PDLIM5: variants seen among roughly 807,000 people sequenced by gnomAD.
The protein encoded by PDLIM5 is PDZ and LIM domain protein 5.
In PDLIM5, 34 loss-of-function variants were observed where a neutral mutation model predicts 64.2. The observed-to-expected ratio is 0.53, with a 90% CI of 0.40 to 0.71. The LOEUF is 0.71. Ranked by LOEUF, PDLIM5 falls within the 30% of genes least tolerant of loss-of-function variation. The pLI, the probability that PDLIM5 is intolerant of heterozygous loss-of-function variation, is 0.00. For synonymous variants in PDLIM5, 253 were observed against 269.1 expected, an observed-to-expected ratio of 0.94 and a Z score of 0.59; for missense variants, 683 against 733.6, an observed-to-expected ratio of 0.93 and a Z score of 0.80.
intron 3 of PDLIM5, among the ~76,000 whole-genome samples, chr4:94,567,811 C>G (rs1171617457): frequency 6.6e-6 from 1 of 152,130 alleles, no homozygotes; most frequent in Admixed American, 6.5e-5. Flanking sequence ...AAATGTTATT[C>G]TAGTCCAATA....
At chr4:94,506,995 CAGGTTCT>C (rs1009491467) in intron 2 of PDLIM5, among the ~76,000 whole-genome samples, 2 of 152,184 alleles carry the variant, frequency 1.3e-5, no homozygotes, top group African/African-American at 4.8e-5. Context: ...CCTCAGACTT[CAGGTTCT>C]TCGGCCTTTG....
chr4:94,639,298 G>A lies in PDLIM5; in HGVS notation c.1109-978G>A, dbSNP rs891895490. On this transcript the variant is annotated intron_variant, in intron 8 of 12. Coordinates refer to ENST00000317968, the MANE Select transcript of PDLIM5 (RefSeq NM_006457.5). ...TGGGGGGATTTGTATGCAGCACGTG[G>A]AAGCAGGGACTACATTCAGGGGTCA... 3.2e-4 allele frequency among the ~76,000 whole-genome samples: 48 copies of A among 152,168 alleles called. 2 individuals are homozygous for A.
At chr4:94,617,794 A>G (rs764268754) in intron 7 of PDLIM5, among the ~76,000 whole-genome samples, 4 of 152,300 alleles carry the variant, frequency 2.6e-5, no homozygotes, top group East Asian at 1.9e-4. Flanking sequence ...AAGAATTTTC[A>G]AAGTATGAAA....
At chr4:94,517,936 A>G (rs1391432331) in intron 2 of PDLIM5, among the ~76,000 whole-genome samples, 1 of 152,226 alleles carries the variant, frequency 6.6e-6, no homozygotes, top group Non-Finnish European at 1.5e-5. Flanking sequence ...TGTCCATATT[A>G]TAAATCATTT....
chr4:94,613,960 C>CTTTTTT (rs759120575), intron 7 of PDLIM5, among the ~76,000 whole-genome samples: 7 of 124,346 alleles, frequency 5.6e-5, no homozygotes, highest in South Asian at 2.6e-4. Flanking sequence ...ACTTTTAATC[C>CTTTTTT]TTTTTTTTTT....
chr4:94,527,317 A>G (rs1730460880), intron 3 of PDLIM5, among the ~76,000 whole-genome samples: 1 of 151,852 alleles, frequency 6.6e-6, no homozygotes, highest in Non-Finnish European at 1.5e-5. Context: ...GTCCTCCCAA[A>G]GTGCTGGTAT....
intron 3 of PDLIM5, 77 bp from the exon 4 acceptor site, chr4:94,573,273 TA>T: frequency 1.8e-6 from 2 of 1,087,042 alleles, no homozygotes; most frequent in Non-Finnish European, 1.4e-6. Flanking sequence ...ATTATAATAG[TA>T]AAAATTCCAT....
intron 2 of PDLIM5, among the ~76,000 whole-genome samples, chr4:94,485,433 A>C (rs1157365728): frequency 6.6e-6 from 1 of 152,206 alleles, no homozygotes; most frequent in Admixed American, 6.5e-5. Context: ...TCTATAAATG[A>C]AAGTATTTCA....
chr4:94,470,547 A>C (rs1452433906), intron 2 of PDLIM5, among the ~76,000 whole-genome samples: 1 of 152,224 alleles, frequency 6.6e-6, no homozygotes, highest in African/African-American at 2.4e-5. Flanking sequence ...TGGCTAATAT[A>C]CCCAATGCCA....
chr4:94,455,511 A>G (rs990588409), intron 2 of PDLIM5, 127 bp downstream of exon 2: 37 of 726,492 alleles, frequency 5.1e-5, no homozygotes, highest in Non-Finnish European at 7.8e-5. Context: ...GATCTTGGCA[A>G]ATTTGATTAT....
At chr4:94,618,225 C>T (rs779388056) in intron 8 of PDLIM5, 34 bp downstream of exon 8, 12 of 1,429,410 alleles carry the variant, frequency 8.4e-6, no homozygotes, top group East Asian at 2.4e-5. Context: ...TCTTGCTTTT[C>T]GTAATGAGTT....
chr4:94,653,221 G>C (rs1741974863), intron 9 of PDLIM5, among the ~76,000 whole-genome samples: 1 of 151,912 alleles, frequency 6.6e-6, no homozygotes, highest in Non-Finnish European at 1.5e-5. Context: ...GGCCTTGGCT[G>C]GGTCAGTGAT....
chr4:94,531,780 AG>A (rs970237609), intron 3 of PDLIM5, among the ~76,000 whole-genome samples: 9 of 152,210 alleles, frequency 5.9e-5, no homozygotes, highest in African/African-American at 2.4e-5. Flanking sequence ...GATGCATAAT[AG>A]GGGTCACTCT....
chr4:94,641,398 T>A (rs563175930), intron 9 of PDLIM5, among the ~76,000 whole-genome samples: 1 of 152,334 alleles, frequency 6.6e-6, no homozygotes, highest in South Asian at 2.1e-4. Flanking sequence ...TAGAGTCAAA[T>A]ATAAACACCC....
intron 8 of PDLIM5, among the ~76,000 whole-genome samples, chr4:94,621,203 A>G (rs572156848): frequency 6.6e-6 from 1 of 151,792 alleles, no homozygotes; most frequent in African/African-American, 2.4e-5. Flanking sequence ...TAAAACATTT[A>G]GTCTAATGTT....
At chr4:94,573,035 T>TG (rs1049125549) in intron 3 of PDLIM5, among the ~76,000 whole-genome samples, 1 of 152,070 alleles carries the variant, frequency 6.6e-6, no homozygotes, top group Admixed American at 6.6e-5. Context: ...CCCTTTTAGG[T>TG]GGGGGGTATC....
At chr4:94,619,804 G>A (rs1739080594) in intron 8 of PDLIM5, among the ~76,000 whole-genome samples, 2 of 151,884 alleles carry the variant, frequency 1.3e-5, no homozygotes, top group African/African-American at 4.8e-5. Flanking sequence ...TTTTTTTCTG[G>A]TAGAGGTGGA....
chr4:94,599,861 C>T (rs953770678), intron 7 of PDLIM5, among the ~76,000 whole-genome samples: 3 of 152,098 alleles, frequency 2.0e-5, no homozygotes, highest in African/African-American at 4.8e-5. Context: ...GACACTTGCT[C>T]CATCTCCAGG....
chr4:94,507,533 A>G (rs969636709), intron 2 of PDLIM5, among the ~76,000 whole-genome samples: 1 of 152,212 alleles, frequency 6.6e-6, no homozygotes, highest in Admixed American at 6.5e-5. Flanking sequence ...GGCACTCATT[A>G]ACCATTTGCT....
Sources: allele counts gnomAD v4.1 joint callset (sites outside exome capture counted in the v4.1 genomes callset), GRCh38; gene constraint gnomAD v4.1.1; transcripts MANE v1.5; gene names NCBI Gene and HGNC (gene_info 2026-07-23, HGNC 2026-07-21).